The following ZBBX variants were observed in gnomAD, a reference collection of about 807,000 sequenced individuals.
ZBBX encodes the protein zinc finger B-box domain containing.
In ZBBX, 101 loss-of-function variants were observed where a neutral mutation model predicts 108.5. That is an observed-to-expected ratio of 0.93 (90% CI 0.79 to 1.10). The LOEUF (loss-of-function observed/expected upper bound fraction) is 1.10, where lower values mean the gene tolerates loss of function less well. Ranked by LOEUF, ZBBX falls within the 50% of genes least tolerant of loss-of-function variation. The probability of loss-of-function intolerance (pLI) is 0.00; values close to 1 mark genes in which losing one functional copy is unlikely to be tolerated. For synonymous variants in ZBBX, 356 were observed against 323.4 expected (o/e 1.10, Z -1.08); for missense variants, 1,009 against 941.4 (o/e 1.07, Z -0.94).
intron 20 of ZBBX, among the ~76,000 whole-genome samples, chr3:167,244,935 A>G (rs989147007): frequency 6.6e-6 from 1 of 152,224 alleles, no homozygotes; most frequent in Non-Finnish European, 1.5e-5. Context: ...GAAGTCATTT[A>G]AAACACATAC....
At chr3:167,261,491 G>A (rs1724518283) in intron 20 of ZBBX, among the ~76,000 whole-genome samples, 1 of 151,924 alleles carries the variant, frequency 6.6e-6, no homozygotes, top group African/African-American at 2.4e-5. Flanking sequence ...ACTGTCCTTG[G>A]GCAGGTCTTG....
chr3:167,382,911 A>G (rs948874449), upstream of ZBBX, among the ~76,000 whole-genome samples: 1 of 152,090 alleles, frequency 6.6e-6, no homozygotes, highest in African/African-American at 2.4e-5. Context: ...ATTGCACTAT[A>G]CAACTTTAAC....
intron 1 of ZBBX, among the ~76,000 whole-genome samples, chr3:167,405,000 A>G (rs1410509524): frequency 1.3e-5 from 2 of 152,206 alleles, no homozygotes; most frequent in Non-Finnish European, 2.9e-5. Context: ...GATGTCTGAT[A>G]CAAGGGAGAG....
chr3:167,281,459 G>C (rs1728802394), intron 20 of ZBBX, among the ~76,000 whole-genome samples: 1 of 152,074 alleles, frequency 6.6e-6, no homozygotes, highest in Admixed American at 6.6e-5. Flanking sequence ...ACCACTAACA[G>C]GAAAAACAAC....
intron 1 of ZBBX, among the ~76,000 whole-genome samples, chr3:167,392,038 C>T (rs991966352): frequency 6.6e-6 from 1 of 151,814 alleles, no homozygotes; most frequent in Non-Finnish European, 1.5e-5. Flanking sequence ...CTACCCTATG[C>T]ACTTGCAATC....
At chr3:167,345,929 A>C (rs1157062129) in intron 9 of ZBBX, among the ~76,000 whole-genome samples, 2 of 151,908 alleles carry the variant, frequency 1.3e-5, no homozygotes, top group Non-Finnish European at 2.9e-5. Flanking sequence ...GAAAATTTCC[A>C]TTCCAATTAA....
chr3:167,341,945 A>T (rs937193042), intron 9 of ZBBX, among the ~76,000 whole-genome samples: 19 of 151,864 alleles, frequency 1.3e-4, no homozygotes, highest in Non-Finnish European at 1.5e-4. Flanking sequence ...AAGACCAATG[A>T]ACATAACGTA....
chr3:167,314,160 G>T, intron 15 of ZBBX, 44 bp from the exon 16 acceptor site: 1 of 1,498,596 alleles, frequency 6.7e-7, no homozygotes, highest in Non-Finnish European at 8.9e-7. Context: ...TTGAAAAAAT[G>T]ATTTTAAAAA....
chr3:167,365,739 C>G (rs988388439), intron 6 of ZBBX, 147 bp downstream of exon 6: 3 of 454,512 alleles, frequency 6.6e-6, no homozygotes, highest in African/African-American at 2.0e-5. Flanking sequence ...TGCATATTAC[C>G]CTGCAAAATA....
intron 20 of ZBBX, among the ~76,000 whole-genome samples, chr3:167,263,280 G>A (rs187489028): frequency 3.4e-4 from 52 of 152,018 alleles, no homozygotes; most frequent in African/African-American, 1.1e-3. Flanking sequence ...CATGAGCTAT[G>A]GTGCCTGTCC....
At chr3:167,382,900 T>C (rs76820428), upstream of ZBBX, among the ~76,000 whole-genome samples, 11 of 152,230 alleles carry the variant, frequency 7.2e-5, no homozygotes, top group East Asian at 2.1e-3. Context: ...CTAATGGTTT[T>C]ATTGCACTAT....
intron 20 of ZBBX, among the ~76,000 whole-genome samples, chr3:167,281,382 C>G (rs1161643476): frequency 6.6e-6 from 1 of 151,514 alleles, no homozygotes; most frequent in Non-Finnish European, 1.5e-5. Flanking sequence ...TTTAATTTTT[C>G]AAAACAAAGA....
intron 4 of ZBBX, among the ~76,000 whole-genome samples, chr3:167,370,496 G>T (rs1009084604): frequency 6.6e-6 from 1 of 152,120 alleles, no homozygotes; most frequent in Non-Finnish European, 1.5e-5. Flanking sequence ...CTGCTTACAG[G>T]AGAAGAGTTA....
At position 167,240,824 on chromosome 3, in the gene ZBBX, A is replaced by G. The variant is rs1720534957; in HGVS notation, c.2489T>C (p.Val830Ala). The change falls in exon 22 of 22, where the codon GTC (valine) becomes GCC (alanine). Residue 830 changes from valine to alanine, a missense_variant. Val to Ala is a moderately conservative substitution (Grantham distance 64). Transcript: ENST00000675490. ...EEEDFLNKQH[V>A]ITLPWSKST ...ACTCTTTGACCACGGTAGTGTGATG[A>G]CATGTTGCTTGTTGAGAAAATCTTC... is the stretch of plus-strand genomic sequence containing the variant. 2 of 1,613,560 alleles carry G rather than the reference A, an allele frequency of 1.2e-6. No individual in the cohort carries two copies. The highest frequency in any genetic ancestry group is 1.7e-6 in the Non-Finnish European group (2 of 1,179,562).
intron 18 of ZBBX, among the ~76,000 whole-genome samples, chr3:167,295,458 C>T (rs955427468): frequency 6.6e-6 from 1 of 151,662 alleles, no homozygotes; most frequent in Non-Finnish European, 1.5e-5. Context: ...CCAAACACCA[C>T]ATGTTCCCAC....
rs190817691 is a variant in ZBBX, at chr3:167,350,509, G to A, written c.439C>T (p.Leu147Phe). 44 of 1,568,728 alleles carry A rather than the reference G, an allele frequency of 2.8e-5. No individual in the cohort carries two copies. In the East Asian group the frequency reaches 6.4e-4, roughly 23 times the overall value. Residue 147 changes from leucine to phenylalanine, a missense_variant, in exon 9 of 22, where the codon CTT becomes TTT. By Grantham distance (22) the Leu-to-Phe change is conservative. Transcript: ENST00000675490. The stretch of plus-strand genomic sequence containing the variant: ...GAACAATAATCTTCTCCACATTCAA[G>A]GCATACCTAAAAAGATATTTTTTAA... ...CENKAALLVCLECGEDYCSGC... is the reference protein window; with the variant it reads ...CENKAALLVCFECGEDYCSGC...
At chr3:167,309,662 T>C (rs574871029) in intron 16 of ZBBX, among the ~76,000 whole-genome samples, 11 of 152,284 alleles carry the variant, frequency 7.2e-5, no homozygotes, top group Admixed American at 2.6e-4. Context: ...TACCATGTCT[T>C]GAGGGTGAAC....
intron 9 of ZBBX, 72 bp from the exon 10 acceptor site, chr3:167,334,057 T>C: frequency 2.0e-6 from 2 of 986,378 alleles, no homozygotes; most frequent in Non-Finnish European, 2.8e-6. Context: ...CATTAACTCA[T>C]ATTTGTGTTA....
the ZBBX span, among the ~76,000 whole-genome samples, chr3:167,191,602 G>A: frequency 2.0e-4 from 31 of 152,132 alleles, no homozygotes; most frequent in African/African-American, 7.5e-4. Flanking sequence ...CCCCATCCAC[G>A]TAAGATGTGA....
Sources: gnomAD v4.1 joint callset for allele counts (sites outside exome capture counted in the v4.1 genomes callset) on GRCh38, gnomAD v4.1.1 for gene constraint, MANE v1.5 for transcripts, NCBI Gene and HGNC (gene_info 2026-07-23, HGNC 2026-07-21) for gene names.